The following KIAA2012 variants were observed in gnomAD, a reference collection of about 807,000 sequenced individuals.
KIAA2012 encodes the protein uncharacterized protein KIAA2012.
In KIAA2012, 125 loss-of-function variants were observed where a neutral mutation model predicts 150.6. The observed-to-expected ratio is 0.83, with a 90% CI of 0.72 to 0.96. KIAA2012 has a LOEUF of 0.96. KIAA2012 is among the 40% of genes least tolerant of loss of function. The probability of loss-of-function intolerance (pLI) is 0.00; values close to 1 mark genes in which losing one functional copy is unlikely to be tolerated. For synonymous variants in KIAA2012, 462 were observed against 504.7 expected (o/e 0.92, Z 1.13); for missense variants, 1,219 against 1,354.9 (o/e 0.90, Z 1.57).
chr2:202,203,863 G>A lies in KIAA2012; in HGVS notation c.*21-1135G>A, dbSNP rs190049466. On this transcript the variant is annotated intron_variant, in intron 23 of 23. Transcript: ENST00000498697. ...CGGCTCACTGCAAGCTTCGCCTCCC[G>A]GGTTCACGCCATTCTTCTGCCTCAG... Among the ~76,000 whole-genome samples the A allele has an allele frequency of 5.1e-3, 776 of 150,846 alleles. 10 individuals carry two copies. Among genetic ancestry groups the A allele is most frequent in the African/African-American group, 0.017 (718 of 41,070 alleles).
chr2:202,183,073 G>A (rs923524071), intron 15 of KIAA2012, among the ~76,000 whole-genome samples: 6 of 152,156 alleles, frequency 3.9e-5, no homozygotes, highest in Non-Finnish European at 7.3e-5. Context: ...ACCCAGCAAA[G>A]AGCACTAACT....
At chr2:202,109,269 C>T (rs768169033) in intron 9 of KIAA2012, among the ~76,000 whole-genome samples, 1 of 152,114 alleles carries the variant, frequency 6.6e-6, no homozygotes, top group South Asian at 2.1e-4. Flanking sequence ...GGATTTCATC[C>T]GTAAGATGAG....
At chr2:202,119,017 C>A (rs1007254594) in intron 11 of KIAA2012, among the ~76,000 whole-genome samples, 1 of 152,198 alleles carries the variant, frequency 6.6e-6, no homozygotes, top group Non-Finnish European at 1.5e-5. Flanking sequence ...TAGCTTGCGG[C>A]CAGGCGCGAT....
At position 202,105,855 on chromosome 2, in the gene KIAA2012, G is replaced by C; in HGVS notation, c.1419G>C (p.Trp473Cys). The C allele has an allele frequency of 6.4e-7, 1 of 1,550,770 alleles. No individual in the cohort carries two copies. Among genetic ancestry groups the C allele is most frequent in the Non-Finnish European group, 8.7e-7 (1 of 1,147,036 alleles). Residue 473 changes from tryptophan to cysteine, a missense_variant, in exon 9 of 24, where the codon TGG (tryptophan) becomes TGC (cysteine). Trp to Cys is a radical substitution (Grantham distance 215, BLOSUM62 -2). Coordinates refer to ENST00000498697, the MANE Select transcript of KIAA2012 (RefSeq NM_001277372.4). ...AGCATGCGTCCTTAGAAACACCATG[G>C]GAGTTAACAGTGCATCTCCCAGTGG... is the stretch of plus-strand genomic sequence containing the variant. ...PLKHASLETPWELTVHLPVDA... is the reference protein window; with the variant it reads ...PLKHASLETPCELTVHLPVDA...
At chr2:202,196,112 T>C (rs1692407736) in intron 21 of KIAA2012, among the ~76,000 whole-genome samples, 1 of 150,746 alleles carries the variant, frequency 6.6e-6, no homozygotes, top group Non-Finnish European at 1.5e-5. Context: ...GACAAAACTG[T>C]GGCTACTTCC....
At chr2:202,116,298 T>C (rs6735008) in intron 11 of KIAA2012, 44,338 of 151,882 alleles carry the variant, frequency 0.29, 8,019 homozygotes, top group Non-Finnish European at 0.4. Flanking sequence ...CTCAAAATGT[T>C]TCTTGGGTGT....
chr2:202,143,789 A>C (rs1691247128), intron 13 of KIAA2012, among the ~76,000 whole-genome samples: 1 of 152,216 alleles, frequency 6.6e-6, no homozygotes, highest in Non-Finnish European at 1.5e-5. Context: ...TATTGAATAG[A>C]GTCATCAGCA....
rs991706867 is a variant in KIAA2012 at position 202,202,367 on chromosome 2, A to G, written c.3408-62A>G. 11 of 401,498 alleles carry G rather than the reference A, an allele frequency of 2.7e-5. No homozygotes were observed. In the East Asian group the frequency reaches 3.9e-4, roughly 14 times the overall value. The allele number at this position is 401,498 out of a possible 1,614,324, so 24.9% of individuals were successfully genotyped here. A position where few individuals can be genotyped will look rare whatever the true frequency, so the allele number is the denominator to read the frequency against. On this transcript the variant is annotated intron_variant, in intron 22 of 23. Coordinates refer to ENST00000498697, the MANE Select transcript of KIAA2012 (RefSeq NM_001277372.4). ...AAATCTAAAGTTATCTTGCTGGCTT[A>G]TAAGGACAATTTCTAGGGTGTTTAA... is the stretch of plus-strand genomic sequence containing the variant.
At chr2:202,187,260 C>T (rs1307418113) in intron 17 of KIAA2012, among the ~76,000 whole-genome samples, 162 bp downstream of exon 17, 2 of 152,124 alleles carry the variant, frequency 1.3e-5, no homozygotes, top group African/African-American at 2.4e-5. Flanking sequence ...AAGCCCTGCA[C>T]AGCCACATTG....
chr2:202,082,193 T>C (rs1689465803), intron 2 of KIAA2012, among the ~76,000 whole-genome samples: 1 of 152,112 alleles, frequency 6.6e-6, no homozygotes, highest in Non-Finnish European at 1.5e-5. Context: ...CATTGAATTG[T>C]AGGAGTTCTT....
chr2:202,108,396 A>G (rs1256907969), intron 9 of KIAA2012, among the ~76,000 whole-genome samples: 1 of 152,204 alleles, frequency 6.6e-6, no homozygotes, highest in East Asian at 1.9e-4. Context: ...TCTAATTCAT[A>G]GTCACATTTC....
intron 13 of KIAA2012, among the ~76,000 whole-genome samples, chr2:202,140,573 C>T (rs973619380): frequency 6.6e-6 from 1 of 152,172 alleles, no homozygotes; most frequent in African/African-American, 2.4e-5. Flanking sequence ...GGGTGACTTC[C>T]TGGCCTCCTG....
chr2:202,099,130 G>C lies in KIAA2012; in HGVS notation c.829-483G>C, dbSNP rs539259314. 1.3e-4 allele frequency among the ~76,000 whole-genome samples: 20 copies of C among 152,162 alleles called. 1 individual carries two copies. The South Asian group carries it at 3.9e-3, about 30-fold the overall frequency. On this transcript the variant is annotated intron_variant, in intron 5 of 23. Coordinates refer to ENST00000498697, the MANE Select transcript of KIAA2012 (RefSeq NM_001277372.4). ...AGCCCCCTGAGTAGCTGGGACTACAGGTGTGTGCCACCATGCCTGGCTAAT... is the reference window on the plus strand; with the variant it reads ...AGCCCCCTGAGTAGCTGGGACTACACGTGTGTGCCACCATGCCTGGCTAAT...
chr2:202,100,602 T>C (rs1490292705), intron 7 of KIAA2012, among the ~76,000 whole-genome samples, 153 bp downstream of exon 7: 4 of 152,194 alleles, frequency 2.6e-5, no homozygotes, highest in Non-Finnish European at 5.9e-5. Context: ...TGGAGCTGAA[T>C]AGAGCTGTAG....
intron 14 of KIAA2012, among the ~76,000 whole-genome samples, chr2:202,158,713 T>C (rs775247266): frequency 3.3e-4 from 50 of 152,212 alleles, no homozygotes; most frequent in Non-Finnish European, 4.6e-4. Flanking sequence ...TTTTGAACCA[T>C]GTTTTTAAAA....
Position 202,190,209 on chromosome 2 carries a change from G to GA in KIAA2012, c.2536dup (p.Thr846AsnfsTer24), listed in dbSNP as rs753894409. 480 of 1,472,308 alleles carry GA rather than the reference G, an allele frequency of 3.3e-4. No homozygotes were observed. The highest frequency in any genetic ancestry group is 8.0e-4 in the Admixed American group (32 of 39,856). The allele number at this position is 1,472,308 out of a possible 1,614,324, so 91.2% of individuals were successfully genotyped here. ...GGACTCAAAGGCTAAAAAAAAATTA[G>GA]AAAAAAAAACAAGACCCCAAAGGAA... On this transcript the variant is annotated frameshift_variant, in exon 19 of 24. Coordinates refer to ENST00000498697, the MANE Select transcript of KIAA2012 (RefSeq NM_001277372.4). LOFTEE classifies it high-confidence loss of function.
At chr2:202,162,101 C>T (rs1344881435) in intron 14 of KIAA2012, among the ~76,000 whole-genome samples, 2 of 151,972 alleles carry the variant, frequency 1.3e-5, no homozygotes, top group African/African-American at 4.8e-5. Flanking sequence ...AACAGTATGC[C>T]TTCCAGCTGC....
chr2:202,090,696 G>A (rs1559199598), intron 2 of KIAA2012, 74 bp from the exon 3 acceptor site: 1 of 1,438,128 alleles, frequency 7.0e-7, no homozygotes, highest in Admixed American at 2.5e-5. Context: ...GATGAAGATT[G>A]TGCTAACCAG....
chr2:202,087,510 CAAAAAAAAAAAAAAA>C (rs59728832), intron 2 of KIAA2012, among the ~76,000 whole-genome samples: 1 of 52,524 alleles, frequency 1.9e-5, no homozygotes, highest in Admixed American at 2.7e-4. Flanking sequence ...GAAACCATCT[CAAAAAAAAAAAAAAA>C]AAAAAAAAAA....
Sources: gnomAD v4.1 joint callset for allele counts (sites outside exome capture counted in the v4.1 genomes callset) on GRCh38, gnomAD v4.1.1 for gene constraint, MANE v1.5 for transcripts, NCBI Gene and HGNC (gene_info 2026-07-23, HGNC 2026-07-21) for gene names.